Variants in MACC1 observed in about 807,000 individuals in gnomAD.
MACC1 encodes MET transcriptional regulator MACC1, also known as metastasis-associated in colon cancer protein 1.
A neutral mutation model predicts 70.7 loss-of-function variants in MACC1; 79 were observed. The ratio of observed to expected loss-of-function variants is 1.12; its 90% CI spans 0.93 to 1.35. The LOEUF (loss-of-function observed/expected upper bound fraction) is 1.35, where lower values mean the gene tolerates loss of function less well. MACC1 is among the 40% of genes most tolerant of loss of function. The pLI is 0.00. For synonymous variants in MACC1, 361 were observed against 347.2 expected, an observed-to-expected ratio of 1.04 and a Z score of -0.44; for missense variants, 1,106 against 978.1, an observed-to-expected ratio of 1.13 and a Z score of -1.74.
chr7:20,192,472 G>T (rs923151237), intron 1 of MACC1, among the ~76,000 whole-genome samples: 1 of 152,154 alleles, frequency 6.6e-6, no homozygotes, highest in Admixed American at 6.5e-5. Flanking sequence ...CTGCTTGTCA[G>T]TCCCAGCTAA....
intron 1 of MACC1, among the ~76,000 whole-genome samples, chr7:20,179,656 A>G (rs1445910035): frequency 6.6e-6 from 1 of 151,762 alleles, no homozygotes; most frequent in East Asian, 1.9e-4. Context: ...GAAGCCCCAC[A>G]CAGAAGCCAG....
chr7:20,211,937 A>G (rs79146838), intron 1 of MACC1, among the ~76,000 whole-genome samples: 2,168 of 152,368 alleles, frequency 0.014, 52 homozygotes, highest in African/African-American at 0.049. Context: ...CAAGTTGCAG[A>G]TGAATAATGT....
chr7:20,205,741 G>A (rs1782901970), intron 1 of MACC1, among the ~76,000 whole-genome samples: 4 of 151,718 alleles, frequency 2.6e-5, no homozygotes, highest in African/African-American at 2.4e-5. Flanking sequence ...TCCTTGAGTC[G>A]TTCCATCCTT....
intron 1 of MACC1, among the ~76,000 whole-genome samples, chr7:20,203,433 G>A (rs1315415246): frequency 1.3e-5 from 2 of 152,296 alleles, no homozygotes; most frequent in South Asian, 2.1e-4. Flanking sequence ...TGGTGTGTGC[G>A]TGCATACATG....
In MACC1 at chr7:20,140,828, CACACACACACAG is replaced by C; in HGVS notation, c.*106_*117del. On this transcript the variant is annotated 3_prime_UTR_variant, in exon 7 of 7. Coordinates refer to ENST00000400331, the MANE Select transcript of MACC1 (RefSeq NM_182762.4). ...ACACACACACACACACACACACAGA[CACACACACACAG>C]ACACACACACACAGACACACAGAGA... The C allele has an allele frequency of 3.4e-6, 2 of 587,392 alleles. No individual in the cohort carries two copies. Among genetic ancestry groups the C allele is most frequent in the Non-Finnish European group, 5.8e-6 (2 of 347,604 alleles). 36.4% of individuals were successfully genotyped at this position (587,392 alleles called of 1,614,324 possible).
At chr7:20,204,371 G>A (rs1214753743) in intron 1 of MACC1, among the ~76,000 whole-genome samples, 1 of 152,122 alleles carries the variant, frequency 6.6e-6, no homozygotes, top group East Asian at 1.9e-4. Context: ...AGCCAGGATG[G>A]TCTCGATCTC....
chr7:20,155,889 T>C (rs1782047832), intron 5 of MACC1, among the ~76,000 whole-genome samples: 1 of 152,226 alleles, frequency 6.6e-6, no homozygotes, highest in African/African-American at 2.4e-5. Flanking sequence ...GGAAAAGATC[T>C]GTACTTGGAG....
At chr7:20,213,503 T>G (rs1783027539) in intron 1 of MACC1, among the ~76,000 whole-genome samples, 1 of 152,140 alleles carries the variant, frequency 6.6e-6, no homozygotes, top group African/African-American at 2.4e-5. Context: ...CTATTCACAA[T>G]GGCAAAGACA....
At position 20,158,484 on chromosome 7, in the gene MACC1, G is replaced by A. The variant is rs759519736; in HGVS notation, c.1877C>T (p.Ser626Leu). The part of the protein sequence containing the change: ...VISKEQVMFM[S>L]DSVFTTRNLL... ...ATTTCTGGTTGTAAAGACACTATCT[G>A]ACATAAACATTACTTGCTCCTTTGA... The change falls in exon 5 of 7, where the codon TCA (serine) becomes TTA (leucine). Residue 626 changes from serine (S) to leucine (L), a missense_variant. Physicochemically the swap from Ser to Leu is moderately radical, Grantham distance 145 (BLOSUM62 -2). Transcript: ENST00000400331. 2 of 1,613,968 alleles carry A rather than the reference G, an allele frequency of 1.2e-6. No individual in the cohort carries two copies. Among genetic ancestry groups the A allele is most frequent in the Non-Finnish European group, 1.7e-6 (2 of 1,179,982 alleles).
rs762389092 is a variant in MACC1, at chr7:20,197,866, T to C, written c.-218+19433A>G. 5.9e-5 allele frequency among the ~76,000 whole-genome samples: 9 copies of C among 152,300 alleles called. No individual in the cohort carries two copies. The South Asian group carries it at 8.3e-4, about 14-fold the overall frequency. The stretch of plus-strand genomic sequence containing the variant: ...GAGAAATGTTTCCAAATCTACCATG[T>C]ATTGTTTTTATTTTTATTTTTATAT... On this transcript the variant is annotated intron_variant, in intron 1 of 6. Transcript: ENST00000400331.
At chr7:20,214,779 A>C (rs996057065) in intron 1 of MACC1, among the ~76,000 whole-genome samples, 4 of 152,180 alleles carry the variant, frequency 2.6e-5, no homozygotes, top group Non-Finnish European at 5.9e-5. Context: ...TAACTTTCTC[A>C]ATCTGTAATC....
chr7:20,214,308 T>A (rs1043577037), intron 1 of MACC1, among the ~76,000 whole-genome samples: 2 of 152,080 alleles, frequency 1.3e-5, no homozygotes, highest in Non-Finnish European at 2.9e-5. Flanking sequence ...ATACCCAGTA[T>A]CCCTCCTTTC....
At chr7:20,216,424 A>C (rs1198524330) in intron 1 of MACC1, among the ~76,000 whole-genome samples, 1 of 152,106 alleles carries the variant, frequency 6.6e-6, no homozygotes. Context: ...CAATAGTATT[A>C]AATATATTTA....
At chr7:20,214,032 T>C (rs1185317871) in intron 1 of MACC1, among the ~76,000 whole-genome samples, 1 of 152,192 alleles carries the variant, frequency 6.6e-6, no homozygotes, top group African/African-American at 2.4e-5. Flanking sequence ...TTTTAATTCC[T>C]ACCACTCTTC....
intron 1 of MACC1, among the ~76,000 whole-genome samples, chr7:20,188,548 T>C (rs1375833504): frequency 1.3e-5 from 2 of 152,150 alleles, no homozygotes; most frequent in East Asian, 3.8e-4. Flanking sequence ...GTCTTTGCCT[T>C]TCCTCCTTTC....
chr7:20,207,545 T>A lies in MACC1; in HGVS notation c.-218+9754A>T, dbSNP rs565642808. ...GACCTATAATTCAAATTCTAGAAATTTATCTTTAAAATAAATCAGATATGT... is the reference window on the plus strand; with the variant it reads ...GACCTATAATTCAAATTCTAGAAATATATCTTTAAAATAAATCAGATATGT... On this transcript the variant is annotated intron_variant, in intron 1 of 6. Coordinates refer to ENST00000400331, the MANE Select transcript of MACC1 (RefSeq NM_182762.4). 6.1e-4 allele frequency among the ~76,000 whole-genome samples: 93 copies of A among 152,272 alleles called. 1 individual carries two copies. Among genetic ancestry groups the A allele is most frequent in the African/African-American group, 2.2e-3 (92 of 41,564 alleles).
At chr7:20,144,538 A>G (rs1486211800) in intron 6 of MACC1, among the ~76,000 whole-genome samples, 1 of 152,196 alleles carries the variant, frequency 6.6e-6, no homozygotes, top group Non-Finnish European at 1.5e-5. Flanking sequence ...ATGGATAATC[A>G]TTCCCAAATT....
intron 1 of MACC1, among the ~76,000 whole-genome samples, chr7:20,190,881 A>C (rs763782324): frequency 3.3e-5 from 5 of 152,250 alleles, no homozygotes; most frequent in Admixed American, 6.5e-5. Flanking sequence ...TTTTGTAAAA[A>C]TACAATCTTT....
chr7:20,163,094 C>T (rs1469984544), intron 3 of MACC1, among the ~76,000 whole-genome samples: 1 of 151,910 alleles, frequency 6.6e-6, no homozygotes, highest in Non-Finnish European at 1.5e-5. Context: ...TAAAACAACA[C>T]TATAGAAATT....
Sources: gnomAD v4.1 joint callset for allele counts (sites outside exome capture counted in the v4.1 genomes callset) on GRCh38, gnomAD v4.1.1 for gene constraint, MANE v1.5 for transcripts, NCBI Gene and HGNC (gene_info 2026-07-23, HGNC 2026-07-21) for gene names.